The following RBBP6 variants were observed in gnomAD, a reference collection of about 807,000 sequenced individuals.
The protein encoded by RBBP6 is RB binding protein 6, ubiquitin ligase.
In RBBP6, 25 loss-of-function variants were observed where a neutral mutation model predicts 167.7. The observed-to-expected ratio is 0.15, with a 90% CI of 0.11 to 0.21. RBBP6 has a LOEUF of 0.21. Among genes scored for constraint, RBBP6 ranks in the 10% least tolerant of loss-of-function variants. The probability of loss-of-function intolerance (pLI) is 1.00; values close to 1 mark genes in which losing one functional copy is unlikely to be tolerated. For synonymous variants in RBBP6, 789 were observed against 735.8 expected, an observed-to-expected ratio of 1.07 and a Z score of -1.17; for missense variants, 1,868 against 2,134.2, an observed-to-expected ratio of 0.88 and a Z score of 2.46.
intron 4 of RBBP6, chr16:24,554,643 C>T (rs1898872034): frequency 6.6e-6 from 1 of 152,040 alleles, no homozygotes; most frequent in Non-Finnish European, 1.5e-5. Flanking sequence ...ATAGAGTTAA[C>T]ACTTAGAAGT....
chr16:24,547,656 A>G (rs1291158457), intron 2 of RBBP6, among the ~76,000 whole-genome samples: 2 of 152,104 alleles, frequency 1.3e-5, no homozygotes, highest in African/African-American at 4.8e-5. Flanking sequence ...GGGTTTCACC[A>G]TGTTGGCCCG....
Position 24,565,445 on chromosome 16 carries a change from G to A in RBBP6, c.1589+580G>A, listed in dbSNP as rs1899172121. On this transcript the variant is annotated intron_variant, in intron 14 of 17. Transcript: ENST00000319715. The stretch of plus-strand genomic sequence containing the variant: ...ACAGACCAGTATCCATCCTTGGCCT[G>A]TTAGGAACTGGGCAACACAGCAGGA... 2.0e-5 allele frequency among the ~76,000 whole-genome samples: 3 copies of A among 152,228 alleles called. No homozygotes were observed. The South Asian group carries it at 6.2e-4, about 31-fold the overall frequency.
intron 8 of RBBP6, among the ~76,000 whole-genome samples, chr16:24,560,111 G>GT (rs1555472777): frequency 0.024 from 1,753 of 73,976 alleles, 23 homozygotes; most frequent in African/African-American, 0.034. Context: ...GACAGTTTTT[G>GT]TTTTTTTTTT....
In RBBP6 at chr16:24,569,851, G is replaced by T. The variant is rs376526154; in HGVS notation, c.3161G>T (p.Arg1054Leu). The change falls in exon 17 of 18, where the codon CGA (arginine) becomes CTA (leucine). Residue 1054 changes from arginine to leucine, a missense_variant. Arg to Leu is a moderately radical substitution (Grantham distance 102). Coordinates refer to ENST00000319715, the MANE Select transcript of RBBP6 (RefSeq NM_006910.5). ...KVDGERERSP[R>L]SEPPIKKAKE... The stretch of plus-strand genomic sequence containing the variant: ...GATGGAGAACGTGAGAGATCTCCTC[G>T]ATCTGAACCTCCAATTAAAAAAGCC... 2.5e-5 allele frequency: 40 copies of T among 1,610,558 alleles called. No individual in the cohort carries two copies. The highest frequency in any genetic ancestry group is 1.6e-4 in the Middle Eastern group (1 of 6,062).
intron 7 of RBBP6, 45 bp from the exon 8 acceptor site, chr16:24,559,460 T>G: frequency 6.7e-7 from 1 of 1,493,442 alleles, no homozygotes; most frequent in East Asian, 2.3e-5. Flanking sequence ...GCATGAGTAC[T>G]CTGCCTTCTT....
Position 24,549,305 on chromosome 16 carries a change from A to G in RBBP6, c.303+324A>G. 4 of 1,156,468 alleles carry G rather than the reference A, an allele frequency of 3.5e-6. No homozygotes were observed. In the African/African-American group the frequency reaches 6.4e-5, roughly 18 times the overall value. The allele number at this position is 1,156,468 out of a possible 1,614,324, so 71.6% of individuals were successfully genotyped here. A position where few individuals can be genotyped will look rare whatever the true frequency, so the allele number is the denominator to read the frequency against. ...GTTTTACACTAAGGAACATGATGAC[A>G]TGTTCTACATTTGTCTGTCTATAGT... is the stretch of plus-strand genomic sequence containing the variant. On this transcript the variant is annotated intron_variant, in intron 3 of 17. Transcript: ENST00000319715.
intron 7 of RBBP6, 28 bp from the exon 8 acceptor site, chr16:24,559,473 CAATG>C: frequency 4.5e-6 from 7 of 1,544,540 alleles, no homozygotes; most frequent in Non-Finnish European, 6.2e-6. Flanking sequence ...GCCTTCTTAA[CAATG>C]GTAAAACATG....
At chr16:24,558,024 T>A (rs377028995) in intron 7 of RBBP6, among the ~76,000 whole-genome samples, 1 of 152,270 alleles carries the variant, frequency 6.6e-6, no homozygotes, top group Non-Finnish European at 1.5e-5. Context: ...TCTGTTGTTA[T>A]GCTGTTTCTA....
At chr16:24,543,700 T>G (rs1178603911) in intron 1 of RBBP6, among the ~76,000 whole-genome samples, 1 of 152,164 alleles carries the variant, frequency 6.6e-6, no homozygotes, top group Non-Finnish European at 1.5e-5. Flanking sequence ...TATTTCAAAA[T>G]GAATATCAAG....
chr16:24,548,763 G>A (rs781652192), intron 2 of RBBP6, among the ~76,000 whole-genome samples, 182 bp from the exon 3 acceptor site: 15 of 152,022 alleles, frequency 9.9e-5, no homozygotes, highest in Non-Finnish European at 1.8e-4. Context: ...TCTTAAAACT[G>A]CTCAAAGGTG....
At position 24,561,658 on chromosome 16, in the gene RBBP6, G is replaced by A. The variant is rs771844197; in HGVS notation, c.894G>A (p.Thr298=). 1.6e-5 allele frequency: 26 copies of A among 1,613,900 alleles called. No homozygotes were observed. In the East Asian group the frequency reaches 2.9e-4, roughly 18 times the overall value. The change falls in exon 9 of 18, where the codon ACG becomes ACA. Residue 298 remains threonine, a synonymous_variant. Coordinates refer to ENST00000319715, the MANE Select transcript of RBBP6 (RefSeq NM_006910.5). The part of the protein sequence containing the change: ...LLESDEHTCP[T]CHQNDVSPDA... ...AATCAGATGAGCACACATGTCCGAC[G>A]TGTCATCAAAATGATGTTTCTCCTG...
chr16:24,550,039 G>T (rs954825410), intron 3 of RBBP6, among the ~76,000 whole-genome samples: 3 of 151,854 alleles, frequency 2.0e-5, no homozygotes, highest in African/African-American at 7.2e-5. Context: ...TAAATGTAAT[G>T]GTTCTCTAAA....
Position 24,571,501 on chromosome 16 carries a change from A to C in RBBP6, c.4435A>C (p.Thr1479Pro). The change falls in exon 18 of 18, where the codon ACC becomes CCC. Residue 1479 changes from threonine (T) to proline (P), a missense_variant. Coordinates refer to ENST00000319715, the MANE Select transcript of RBBP6 (RefSeq NM_006910.5). ...TAGAGACAAAAAAACTGACTATGAC[A>C]CCAGAGAGTATTCAAGTTCCAAACG... ...PNRDKKTDYDTREYSSSKRRD... is the reference protein window; with the variant it reads ...PNRDKKTDYDPREYSSSKRRD... 1.2e-6 allele frequency: 2 copies of C among 1,613,328 alleles called. No homozygotes were observed. The highest frequency in any genetic ancestry group is 1.7e-6 in the Non-Finnish European group (2 of 1,179,844).
intron 7 of RBBP6, among the ~76,000 whole-genome samples, chr16:24,557,597 C>T (rs1212161907): frequency 6.6e-6 from 1 of 151,878 alleles, no homozygotes; most frequent in African/African-American, 2.4e-5. Flanking sequence ...CCTGGTTGCT[C>T]CGCCCCCAAT....
At chr16:24,544,665 T>C (rs1486976289) in intron 1 of RBBP6, among the ~76,000 whole-genome samples, 2 of 152,188 alleles carry the variant, frequency 1.3e-5, no homozygotes, top group Admixed American at 6.5e-5. Flanking sequence ...GTAATTTTTC[T>C]TTTTGGTAAT....
intron 13 of RBBP6, 22 bp downstream of exon 13, chr16:24,563,686 T>G: frequency 6.2e-7 from 1 of 1,603,730 alleles, no homozygotes; most frequent in South Asian, 1.1e-5. Flanking sequence ...TTTACAATAA[T>G]CTTCAGATGA....
At position 24,572,178 on chromosome 16, in the gene RBBP6, C is replaced by A. The variant is rs376394944; in HGVS notation, c.5112C>A (p.His1704Gln). 4 of 1,614,144 alleles carry A rather than the reference C, an allele frequency of 2.5e-6. No individual in the cohort carries two copies. Among genetic ancestry groups the A allele is most frequent in the Non-Finnish European group, 3.4e-6 (4 of 1,180,028 alleles). ...SSPSVSPSRS[H>Q]SPSGSQTRSH... ...CCAGCGTCAGCCCCAGCAGAAGCCA[C>A]AGTCCTTCTGGAAGCCAGACCCGAA... is the stretch of plus-strand genomic sequence containing the variant. The change falls in exon 18 of 18, where the codon CAC (histidine) becomes CAA (glutamine). Residue 1704 changes from histidine to glutamine, a missense_variant. His to Gln is a conservative substitution (Grantham distance 24, BLOSUM62 0). This residue lies in a region of RBBP6 where 591 missense variants were observed against 540.5 expected (regional missense o/e 1.09). Coordinates refer to ENST00000319715, the MANE Select transcript of RBBP6 (RefSeq NM_006910.5).
At chr16:24,551,839 GTTGACAGCAAT>G (rs1898804201) in intron 3 of RBBP6, among the ~76,000 whole-genome samples, 1 of 151,762 alleles carries the variant, frequency 6.6e-6, no homozygotes, top group Non-Finnish European at 1.5e-5. Flanking sequence ...ATAGATGATG[GTTGACAGCAAT>G]TTGTCTAGTC....
In RBBP6 at chr16:24,569,915, A is replaced by G. The variant is rs780451444; in HGVS notation, c.3225A>G (p.Ser1075=). Residue 1075 remains serine (S), a synonymous_variant, in exon 17 of 18, where the codon TCA becomes TCG. Transcript: ENST00000319715. The stretch of plus-strand genomic sequence containing the variant: ...CGAAGACTGACAATACTAAATCATC[A>G]TCTTCCTCTCAGAAGGATGAAAAAA... ...ETPKTDNTKS[S]SSSQKDEKIT... is the part of the protein sequence containing the mutation. 178 of 1,609,378 alleles carry G rather than the reference A, an allele frequency of 1.1e-4. 1 individual carries two copies. The highest frequency in any genetic ancestry group is 1.5e-4 in the Non-Finnish European group (174 of 1,178,994).
Sources: gnomAD v4.1 joint callset for allele counts (sites outside exome capture counted in the v4.1 genomes callset) on GRCh38, gnomAD v4.1.1 for gene constraint, gnomAD v4.1.1 regional missense constraint, MANE v1.5 for transcripts, NCBI Gene and HGNC (gene_info 2026-07-23, HGNC 2026-07-21) for gene names.